Variants in SNX7 observed in about 807,000 individuals in gnomAD.
SNX7 encodes sorting nexin 7.
A neutral mutation model predicts 48.4 loss-of-function variants in SNX7; 35 were observed. The ratio of observed to expected loss-of-function variants is 0.72; its 90% CI spans 0.55 to 0.96. SNX7 has a LOEUF of 0.96. SNX7 is among the 40% of genes least tolerant of loss of function. SNX7 has a pLI of 0.00. For missense variants in SNX7, 553 were observed against 548.9 expected (o/e 1.01, Z -0.07); for synonymous variants, 190 against 190.2 (o/e 1.00, Z 0.01).
At chr1:98,673,661 T>C (rs1311400375) in intron 1 of SNX7, among the ~76,000 whole-genome samples, 2 of 152,186 alleles carry the variant, frequency 1.3e-5, no homozygotes, top group African/African-American at 2.4e-5. Context: ...CAAAATACTA[T>C]ACTGAGTGCT....
At chr1:98,670,074 A>G (rs541457688) in intron 1 of SNX7, among the ~76,000 whole-genome samples, 3 of 152,326 alleles carry the variant, frequency 2.0e-5, no homozygotes, top group African/African-American at 4.8e-5. Flanking sequence ...TTCAGTTTGT[A>G]TCATACTGGT....
Position 98,725,041 on chromosome 1 carries a change from A to G in SNX7, c.1126-13196A>G, listed in dbSNP as rs993505107. On this transcript the variant is annotated intron_variant, in intron 7 of 8. Coordinates refer to ENST00000306121, the MANE Select transcript of SNX7 (RefSeq NM_015976.5). ...TCAAACATTTTTACCAAAGGAGTTT[A>G]CTTTCTATGGTATAGGAAAGTTGGA... 3.3e-5 allele frequency among the ~76,000 whole-genome samples: 5 copies of G among 152,190 alleles called. No individual in the cohort carries two copies. The East Asian group carries it at 9.6e-4, about 29-fold the overall frequency.
chr1:98,668,076 T>C (rs552435926), intron 1 of SNX7, among the ~76,000 whole-genome samples: 1 of 152,302 alleles, frequency 6.6e-6, no homozygotes, highest in Admixed American at 6.5e-5. Flanking sequence ...GGAGGAAGTC[T>C]AGGTAGGTGA....
intron 1 of SNX7, among the ~76,000 whole-genome samples, chr1:98,670,669 C>T (rs1252017793): frequency 6.6e-6 from 1 of 152,086 alleles, no homozygotes; most frequent in East Asian, 1.9e-4. Context: ...GGTATATGAT[C>T]TAGGTTTGTG....
intron 1 of SNX7, among the ~76,000 whole-genome samples, chr1:98,667,235 TTTTGA>T (rs762433700): frequency 1.8e-4 from 28 of 152,318 alleles, no homozygotes; most frequent in Non-Finnish European, 3.7e-4. Context: ...CTTCCAAATC[TTTTGA>T]TAAGTTAGAA....
intron 8 of SNX7, among the ~76,000 whole-genome samples, chr1:98,751,006 G>C (rs1304914958): frequency 6.6e-6 from 1 of 151,976 alleles, no homozygotes; most frequent in Non-Finnish European, 1.5e-5. Context: ...TTAGTTCTGG[G>C]ATGAAGCTTA....
chr1:98,751,594 A>G (rs1486092961), intron 8 of SNX7, among the ~76,000 whole-genome samples: 20 of 152,060 alleles, frequency 1.3e-4, no homozygotes, highest in Non-Finnish European at 2.9e-5. Flanking sequence ...TGGATTCTCA[A>G]TTAACAAGGA....
chr1:98,738,317 A>G lies in SNX7; in HGVS notation c.1206A>G (p.Lys402=). Residue 402 remains lysine, a synonymous_variant, in exon 8 of 9, where the codon AAA becomes AAG. Transcript: ENST00000306121. ...TGAAAGCAGATTGGGAGAGATGGAAACAAAATATGCAAAATGATATCAAGT... is the reference window on the plus strand; with the variant it reads ...TGAAAGCAGATTGGGAGAGATGGAAGCAAAATATGCAAAATGATATCAAGT... ...NALKADWERW[K]QNMQNDIKLA... 6.2e-7 allele frequency: 1 copy of G among 1,613,730 alleles called. No individual in the cohort carries two copies. Among genetic ancestry groups the G allele is most frequent in the African/African-American group, 1.3e-5 (1 of 75,052 alleles).
At chr1:98,662,952 G>A in intron 1 of SNX7, 1 of 759,472 alleles carries the variant, frequency 1.3e-6, no homozygotes, top group Non-Finnish European at 1.8e-6. Context: ...TGGAATGATA[G>A]GCCCAGGTTT....
intron 7 of SNX7, among the ~76,000 whole-genome samples, chr1:98,711,508 A>G (rs1652304562): frequency 6.6e-6 from 1 of 152,200 alleles, no homozygotes; most frequent in Admixed American, 6.5e-5. Context: ...AGTGGATATA[A>G]AAGTTATGTT....
intron 7 of SNX7, among the ~76,000 whole-genome samples, chr1:98,732,043 C>T (rs963500661): frequency 2.0e-5 from 3 of 152,116 alleles, no homozygotes; most frequent in East Asian, 3.9e-4. Flanking sequence ...ATGGGGTTAC[C>T]GTTTCTATTG....
intron 7 of SNX7, among the ~76,000 whole-genome samples, chr1:98,734,363 A>T (rs1653669506): frequency 6.6e-6 from 1 of 152,104 alleles, no homozygotes; most frequent in Non-Finnish European, 1.5e-5. Flanking sequence ...CAGCTATATC[A>T]GTTTAAGCTT....
intron 7 of SNX7, among the ~76,000 whole-genome samples, chr1:98,702,861 AT>A (rs1244997837): frequency 6.6e-6 from 1 of 152,098 alleles, no homozygotes; most frequent in East Asian, 1.9e-4. Context: ...TTAGGTTGTT[AT>A]TGAATACAAT....
intron 8 of SNX7, among the ~76,000 whole-genome samples, chr1:98,752,052 C>A (rs1253383081): frequency 3.9e-5 from 6 of 152,002 alleles, no homozygotes; most frequent in Non-Finnish European, 2.9e-5. Context: ...AAATTGATGA[C>A]AATGCAAAGC....
At chr1:98,752,261 G>A (rs907308831) in intron 8 of SNX7, among the ~76,000 whole-genome samples, 30 of 151,800 alleles carry the variant, frequency 2.0e-4, no homozygotes, top group African/African-American at 4.8e-4. Context: ...CTTAGGTTTC[G>A]TACTCAAGAG....
intron 7 of SNX7, among the ~76,000 whole-genome samples, chr1:98,713,166 C>T (rs546097551): frequency 6.6e-6 from 1 of 151,016 alleles, no homozygotes; most frequent in Admixed American, 6.6e-5. Context: ...TATCAATGAT[C>T]ATAGTTAGAT....
rs114745341 is a variant in SNX7 at position 98,707,343 on chromosome 1, C to T, written c.1125+5440C>T. On this transcript the variant is annotated intron_variant, in intron 7 of 8. Transcript: ENST00000306121. Reference sequence around the variant, plus strand: ...AAATATTTCAAGAGTAATTGAGTTGCATTATGTGCACCAGTAAAGAAGATA... The same window carrying T: ...AAATATTTCAAGAGTAATTGAGTTGTATTATGTGCACCAGTAAAGAAGATA... 6.7e-3 allele frequency among the ~76,000 whole-genome samples: 1,026 copies of T among 152,198 alleles called. 11 individuals carry two copies. The highest frequency in any genetic ancestry group is 0.024 in the African/African-American group (990 of 41,538).
intron 8 of SNX7, among the ~76,000 whole-genome samples, chr1:98,744,022 G>A (rs540856357): frequency 6.6e-6 from 1 of 152,082 alleles, no homozygotes; most frequent in South Asian, 2.1e-4. Flanking sequence ...ATTGATATGT[G>A]CTCATCTGTG....
chr1:98,684,656 T>C (rs1406071931), intron 1 of SNX7, among the ~76,000 whole-genome samples: 1 of 152,142 alleles, frequency 6.6e-6, no homozygotes, highest in East Asian at 1.9e-4. Flanking sequence ...ACCATAGCAA[T>C]CCTTGAGGGT....
Sources: gnomAD v4.1 joint callset for allele counts (sites outside exome capture counted in the v4.1 genomes callset) on GRCh38, gnomAD v4.1.1 for gene constraint, MANE v1.5 for transcripts, NCBI Gene and HGNC (gene_info 2026-07-23, HGNC 2026-07-21) for gene names.